ROBO2: variants seen among roughly 807,000 people sequenced by gnomAD.
ROBO2 encodes roundabout guidance receptor 2.
A neutral mutation model predicts 160.8 loss-of-function variants in ROBO2; 53 were observed. The ratio of observed to expected loss-of-function variants is 0.33; its 90% CI spans 0.26 to 0.41. ROBO2 has a LOEUF of 0.41. ROBO2 is among the 10% of genes least tolerant of loss of function. ROBO2 has a pLI of 1.00. For missense variants in ROBO2, 1,577 were observed against 1,722.4 expected, an observed-to-expected ratio of 0.92 and a Z score of 1.49; for synonymous variants, 664 against 611.7, an observed-to-expected ratio of 1.09 and a Z score of -1.26.
chr3:77,617,452 G>T, intron 21 of ROBO2, 61 bp from the exon 23 acceptor site: 1 of 1,582,690 alleles, frequency 6.3e-7, no homozygotes, highest in Non-Finnish European at 8.7e-7. Context: ...CAGTATAATT[G>T]TGTGCATGTA....
intron 2 of ROBO2, among the ~76,000 whole-genome samples, chr3:76,357,861 C>G (rs2075269045): frequency 6.7e-6 from 1 of 149,218 alleles, no homozygotes; most frequent in African/African-American, 2.5e-5. Context: ...CAAACCAAAT[C>G]AAATAGTATG....
intron 2 of ROBO2, among the ~76,000 whole-genome samples, chr3:76,925,207 T>C: frequency 1.5e-5 from 1 of 67,150 alleles, no homozygotes. Context: ...CGAGACTCCG[T>C]CTCAAAAAAA....
chr3:76,842,793 G>C (rs2068412588), intron 2 of ROBO2, among the ~76,000 whole-genome samples: 1 of 151,908 alleles, frequency 6.6e-6, no homozygotes, highest in South Asian at 2.1e-4. Flanking sequence ...TACTAACCAG[G>C]GGCAGACACA....
intron 2 of ROBO2, among the ~76,000 whole-genome samples, chr3:76,353,004 T>G (rs2108302542): frequency 6.6e-6 from 1 of 152,126 alleles, no homozygotes; most frequent in Non-Finnish European, 1.5e-5. Flanking sequence ...AGCCTGGCGT[T>G]TCCTCTCCCA....
intron 2 of ROBO2, among the ~76,000 whole-genome samples, chr3:76,527,281 A>G (rs1027197087): frequency 1.3e-5 from 2 of 152,152 alleles, no homozygotes; most frequent in Non-Finnish European, 2.9e-5. Flanking sequence ...GGACAAAAGA[A>G]TAGACTATAA....
At chr3:76,384,543 T>C (rs934452171) in intron 2 of ROBO2, among the ~76,000 whole-genome samples, 1 of 152,204 alleles carries the variant, frequency 6.6e-6, no homozygotes, top group Non-Finnish European at 1.5e-5. Flanking sequence ...TGTATTAGTC[T>C]GTTCTCATGC....
At chr3:76,634,468 T>G (rs2090201419) in intron 2 of ROBO2, among the ~76,000 whole-genome samples, 1 of 151,874 alleles carries the variant, frequency 6.6e-6, no homozygotes, top group Admixed American at 6.6e-5. Context: ...CTCAGGAGGC[T>G]GAGGCAGGAG....
chr3:77,397,655 A>C (rs9866680), intron 2 of ROBO2, among the ~76,000 whole-genome samples: 2 of 152,092 alleles, frequency 1.3e-5, no homozygotes, highest in Non-Finnish European at 2.9e-5. Context: ...TGTGTATGCT[A>C]TCTTCCTGTA....
chr3:77,198,612 T>G (rs2082524922), intron 2 of ROBO2, among the ~76,000 whole-genome samples: 1 of 152,148 alleles, frequency 6.6e-6, no homozygotes, highest in Admixed American at 6.5e-5. Context: ...AAAGACATTT[T>G]ATTTACGGCC....
chr3:76,209,971 A>C (rs1267528080), intron 2 of ROBO2, among the ~76,000 whole-genome samples: 1 of 152,104 alleles, frequency 6.6e-6, no homozygotes, highest in Non-Finnish European at 1.5e-5. Context: ...ATAGTAAAAG[A>C]AAAAAACATT....
chr3:75,939,957 C>G (rs1363624042), intron 2 of ROBO2, among the ~76,000 whole-genome samples: 1 of 151,718 alleles, frequency 6.6e-6, no homozygotes, highest in African/African-American at 2.4e-5. Flanking sequence ...TTATTGTGAC[C>G]CGCAATGTCC....
chr3:77,206,324 C>A (rs1579968977), intron 2 of ROBO2, among the ~76,000 whole-genome samples: 1 of 152,110 alleles, frequency 6.6e-6, no homozygotes, highest in East Asian at 1.9e-4. Flanking sequence ...TGCCCGCCAC[C>A]AAGCCTGGCT....
chr3:77,630,219 G>A (rs1325913784), intron 23 of ROBO2: 2 of 152,126 alleles, frequency 1.3e-5, no homozygotes, highest in Non-Finnish European at 2.9e-5. Flanking sequence ...ATACACAGCA[G>A]GTATATTAGT....
chr3:77,432,959 A>G (rs2078925628), intron 2 of ROBO2, among the ~76,000 whole-genome samples: 1 of 152,114 alleles, frequency 6.6e-6, no homozygotes. Context: ...AAAGAATGGG[A>G]TTGGATTGTT....
intron 1 of ROBO2, among the ~76,000 whole-genome samples, chr3:77,044,925 T>A (rs2064488966): frequency 6.6e-6 from 1 of 152,314 alleles, no homozygotes; most frequent in Non-Finnish European, 1.5e-5. Context: ...CCTAAATCAA[T>A]ACATTGGCAT....
intron 2 of ROBO2, among the ~76,000 whole-genome samples, chr3:76,840,647 A>T (rs2597231): frequency 4.5e-3 from 26 of 5,716 alleles, no homozygotes; most frequent in Middle Eastern, 0.083. Context: ...ATTATATTTT[A>T]TATATATATA....
At chr3:77,612,090 G>C (rs2094654721) in intron 21 of ROBO2, among the ~76,000 whole-genome samples, 2 of 152,132 alleles carry the variant, frequency 1.3e-5, no homozygotes, top group South Asian at 4.1e-4. Flanking sequence ...TTAGTTGCCA[G>C]GCAAGACAGA....
intron 2 of ROBO2, among the ~76,000 whole-genome samples, chr3:76,197,047 A>G (rs530834520): frequency 2.1e-4 from 32 of 152,340 alleles, no homozygotes; most frequent in African/African-American, 7.0e-4. Flanking sequence ...GTCGCTGGTT[A>G]TACTGTTGTA....
intron 2 of ROBO2, among the ~76,000 whole-genome samples, chr3:77,444,346 G>C (rs535144540): frequency 6.6e-6 from 1 of 152,230 alleles, no homozygotes; most frequent in Non-Finnish European, 1.5e-5. Context: ...TGCTTACTCT[G>C]ATTAGGTAGA....
Sources: gnomAD v4.1 joint callset for allele counts (sites outside exome capture counted in the v4.1 genomes callset) on GRCh38, gnomAD v4.1.1 for gene constraint, MANE v1.5 for transcripts, NCBI Gene and HGNC (gene_info 2026-07-23, HGNC 2026-07-21) for gene names.